PKHD1: variants seen among roughly 807,000 people sequenced by gnomAD.
The protein encoded by PKHD1 is PKHD1 ciliary IPT domain containing fibrocystin/polyductin.
A neutral mutation model predicts 412.0 loss-of-function variants in PKHD1; 291 were observed. The observed-to-expected ratio is 0.71, with a 90% CI of 0.64 to 0.78. The LOEUF (loss-of-function observed/expected upper bound fraction) is 0.78, where lower values mean the gene tolerates loss of function less well. Among genes scored for constraint, PKHD1 ranks in the 30% least tolerant of loss-of-function variants. The pLI, the probability that PKHD1 is intolerant of heterozygous loss-of-function variation, is 0.00. For missense variants in PKHD1, 4,825 were observed against 4,950.7 expected, an observed-to-expected ratio of 0.97 and a Z score of 0.76; for synonymous variants, 1,777 against 1,821.5, an observed-to-expected ratio of 0.98 and a Z score of 0.62.
chr6:52,046,301 A>G, intron 23 of PKHD1, 113 bp from the exon 24 acceptor site: 1 of 863,750 alleles, frequency 1.2e-6, no homozygotes, highest in Non-Finnish European at 2.0e-6. Flanking sequence ...AATTTTCAGG[A>G]GACCCTTCTG....
intron 37 of PKHD1, among the ~76,000 whole-genome samples, chr6:51,921,403 T>C (rs569108243): frequency 7.2e-5 from 11 of 152,312 alleles, no homozygotes; most frequent in Admixed American, 2.6e-4. Flanking sequence ...CAATTATGTG[T>C]CTTGGGGTTG....
At chr6:51,817,639 G>T (rs963924402) in intron 52 of PKHD1, among the ~76,000 whole-genome samples, 1 of 152,098 alleles carries the variant, frequency 6.6e-6, no homozygotes, top group South Asian at 2.1e-4. Flanking sequence ...GAATGAGAGC[G>T]GCTGGGATTT....
At chr6:51,636,922 G>A (rs1009842275) in intron 64 of PKHD1, among the ~76,000 whole-genome samples, 1 of 152,038 alleles carries the variant, frequency 6.6e-6, no homozygotes, top group Admixed American at 6.6e-5. Flanking sequence ...ACTTGATCTT[G>A]AAAATTAAGA....
At position 51,823,189 on chromosome 6, in the gene PKHD1, A is replaced by C. The variant is rs550580138; in HGVS notation, c.8302+7672T>G. ...TAGAATCCTCTCAGGCTACAACAGA[A>C]GGTGCCCAATACGGTCACACCTCTG... On this transcript the variant is annotated intron_variant, in intron 52 of 66. Transcript: ENST00000371117. Among the ~76,000 whole-genome samples, 84 of 152,288 alleles carry C rather than the reference A, an allele frequency of 5.5e-4. 1 individual carries two copies. The highest frequency in any genetic ancestry group is 2.0e-3 in the African/African-American group (82 of 41,572).
At chr6:51,707,475 C>T (rs760246196) in intron 60 of PKHD1, among the ~76,000 whole-genome samples, 3 of 152,078 alleles carry the variant, frequency 2.0e-5, no homozygotes, top group Non-Finnish European at 4.4e-5. Context: ...ATCTTGCTCC[C>T]GTACTTTTAC....
In PKHD1 at chr6:51,754,864, T is replaced by C. The variant is rs1786699493; in HGVS notation, c.8717A>G (p.His2906Arg). 2.5e-6 allele frequency: 4 copies of C among 1,612,592 alleles called. No individual in the cohort carries two copies. The highest frequency in any genetic ancestry group is 2.5e-6 in the Non-Finnish European group (3 of 1,178,652). Residue 2906 changes from histidine to arginine, a missense_variant, in exon 56 of 67, where the codon CAT (histidine) becomes CGT (arginine). Physicochemically the swap from His to Arg is conservative, Grantham distance 29. Transcript: ENST00000371117. ...TTTCACAGTGAGGACCTCTGCTTCATGAGGCTCATAAGAAGAGGAGCTAAG... is the reference window on the plus strand; with the variant it reads ...TTTCACAGTGAGGACCTCTGCTTCACGAGGCTCATAAGAAGAGGAGCTAAG... ...IVLSSSSYEPHEAEVLTVKEV... is the reference protein window; with the variant it reads ...IVLSSSSYEPREAEVLTVKEV...
At chr6:51,767,740 A>T (rs1789352787) in intron 55 of PKHD1, among the ~76,000 whole-genome samples, 1 of 152,206 alleles carries the variant, frequency 6.6e-6, no homozygotes, top group African/African-American at 2.4e-5. Context: ...GGTTGGTTCC[A>T]AGTCTTTGCT....
chr6:52,046,303 A>T, intron 23 of PKHD1, 115 bp from the exon 24 acceptor site: 1 of 853,718 alleles, frequency 1.2e-6, no homozygotes, highest in South Asian at 1.3e-5. Context: ...TTTTCAGGAG[A>T]CCCTTCTGTC....
intron 60 of PKHD1, among the ~76,000 whole-genome samples, chr6:51,692,677 AT>A (rs1351612869): frequency 6.6e-6 from 1 of 152,162 alleles, no homozygotes; most frequent in African/African-American, 2.4e-5. Flanking sequence ...TGACAGATGC[AT>A]AAGTTTTCTA....
chr6:51,725,977 C>T (rs933004168), intron 60 of PKHD1, among the ~76,000 whole-genome samples: 4 of 152,248 alleles, frequency 2.6e-5, no homozygotes, highest in Non-Finnish European at 4.4e-5. Flanking sequence ...GCTCTGGTGG[C>T]CTTGAAAAAC....
chr6:52,056,658 A>C lies in PKHD1; in HGVS notation c.1693+40T>G, dbSNP rs371247020. The C allele has an allele frequency of 4.5e-6, 6 of 1,340,308 alleles. No homozygotes were observed. In the South Asian group the frequency reaches 7.0e-5, roughly 16 times the overall value. 83.0% of individuals were successfully genotyped at this position (1,340,308 alleles called of 1,614,324 possible). On this transcript the variant is annotated intron_variant, in intron 18 of 66. Transcript: ENST00000371117. ...TCATTTTATAGAAAGAAAGAAGACC[A>C]TGATGAAAAAGACAATCAGAATGAA...
chr6:51,996,898 A>C (rs1358075354), intron 35 of PKHD1, among the ~76,000 whole-genome samples: 1 of 152,212 alleles, frequency 6.6e-6, no homozygotes, highest in Non-Finnish European at 1.5e-5. Flanking sequence ...CTTACCTTCC[A>C]GGCATCACTG....
intron 60 of PKHD1, among the ~76,000 whole-genome samples, chr6:51,706,420 A>G (rs1380630540): frequency 6.6e-6 from 1 of 151,604 alleles, no homozygotes; most frequent in Admixed American, 6.6e-5. Context: ...CAAATTGAAA[A>G]TCCTTTCCCC....
chr6:51,673,341 C>T (rs1203843267), intron 60 of PKHD1, among the ~76,000 whole-genome samples: 1 of 152,210 alleles, frequency 6.6e-6, no homozygotes, highest in South Asian at 2.1e-4. Context: ...CTGTGTCCAG[C>T]TTCCCCATGC....
chr6:51,831,035 C>A, intron 51 of PKHD1, 46 bp from the exon 52 acceptor site: 1 of 1,455,156 alleles, frequency 6.9e-7, no homozygotes. Context: ...ATTGTGATAA[C>A]TTCCAAATTC....
At chr6:51,881,842 G>GT (rs1200811681) in intron 46 of PKHD1, among the ~76,000 whole-genome samples, 1 of 152,058 alleles carries the variant, frequency 6.6e-6, no homozygotes. Context: ...GAACAAAACT[G>GT]TTTAACATTT....
intron 60 of PKHD1, 121 bp downstream of exon 60, chr6:51,744,264 A>G: frequency 1.2e-6 from 1 of 862,466 alleles, no homozygotes. Flanking sequence ...ATTAGCACAG[A>G]CTCCAACTCT....
At position 52,025,543 on chromosome 6, in the gene PKHD1, C is replaced by T; in HGVS notation, c.4267G>A (p.Val1423Ile). 2 of 1,614,190 alleles carry T rather than the reference C, an allele frequency of 1.2e-6. No individual in the cohort carries two copies. The highest frequency in any genetic ancestry group is 1.7e-6 in the Non-Finnish European group (2 of 1,180,036). ...CAAGTAAAAGGACCCGAGAGGTCAA[C>T]CCGAACTGACCTCCTTCTAGAGTTA... ...LLNSRRRSVR[V>I]DLSGPFTCVI... The change falls in exon 32 of 67, where the codon GTT (valine) becomes ATT (isoleucine). Residue 1423 changes from valine to isoleucine, a missense_variant. Transcript: ENST00000371117.
At chr6:51,832,616 GA>G (rs1768460754) in intron 51 of PKHD1, among the ~76,000 whole-genome samples, 1 of 152,000 alleles carries the variant, frequency 6.6e-6, no homozygotes, top group Non-Finnish European at 1.5e-5. Flanking sequence ...GCAAGCAGTG[GA>G]AAAATATGAA....
Sources: gnomAD v4.1 joint callset for allele counts (sites outside exome capture counted in the v4.1 genomes callset) on GRCh38, gnomAD v4.1.1 for gene constraint, MANE v1.5 for transcripts, NCBI Gene and HGNC (gene_info 2026-07-23, HGNC 2026-07-21) for gene names.